KIAA1328: variants seen among roughly 807,000 people sequenced by gnomAD.
KIAA1328 encodes the protein KIAA1328.
Under a neutral mutation model 68.1 loss-of-function variants are expected in KIAA1328, and 52 were observed. The observed-to-expected ratio is 0.76, with a 90% confidence interval of 0.61 to 0.96. KIAA1328 has a LOEUF of 0.96. Among genes scored for constraint, KIAA1328 ranks in the 40% least tolerant of loss-of-function variants. The pLI is 0.00. For synonymous variants in KIAA1328, 232 were observed against 239.4 expected, an observed-to-expected ratio of 0.97 and a Z score of 0.28; for missense variants, 641 against 677.6, an observed-to-expected ratio of 0.95 and a Z score of 0.60.
At chr18:37,099,449 T>A (rs1414877041) in intron 7 of KIAA1328, among the ~76,000 whole-genome samples, 15 of 152,114 alleles carry the variant, frequency 9.9e-5, no homozygotes, top group South Asian at 2.1e-4. Flanking sequence ...ACAGTTTGTT[T>A]TAATTTCTGA....
At chr18:37,009,349 A>G (rs2053893902) in intron 6 of KIAA1328, among the ~76,000 whole-genome samples, 1 of 152,138 alleles carries the variant, frequency 6.6e-6, no homozygotes, top group Admixed American at 6.5e-5. Flanking sequence ...GTGAGATGTA[A>G]GAAGTTTTTC....
Position 37,018,693 on chromosome 18 carries a change from C to T in KIAA1328, c.577-48197C>T, listed in dbSNP as rs79469838. 1.0e-3 allele frequency among the ~76,000 whole-genome samples: 155 copies of T among 152,264 alleles called. 2 individuals are homozygous for T. The highest frequency in any genetic ancestry group is 3.7e-3 in the African/African-American group (153 of 41,546). ...AAAGATCAGTCCTCAATCTCTGAAA[C>T]AGTTTCTTCTGCTTAGTCCAGTCTA... On this transcript the variant is annotated intron_variant, in intron 6 of 9. Transcript: ENST00000280020.
chr18:36,832,020 T>C (rs943815327), intron 1 of KIAA1328, among the ~76,000 whole-genome samples: 13 of 152,214 alleles, frequency 8.5e-5, no homozygotes, highest in Non-Finnish European at 1.0e-4. Context: ...TTAGGTATTA[T>C]AAATAATCTA....
chr18:37,167,626 A>G (rs1264134858), intron 8 of KIAA1328, among the ~76,000 whole-genome samples: 2 of 151,572 alleles, frequency 1.3e-5, no homozygotes, highest in African/African-American at 4.9e-5. Context: ...GCTCCTCTCG[A>G]TGTCCAGCTG....
chr18:37,051,606 A>G (rs1354335690), intron 6 of KIAA1328, among the ~76,000 whole-genome samples: 1 of 152,248 alleles, frequency 6.6e-6, no homozygotes, highest in Non-Finnish European at 1.5e-5. Context: ...TCACAGCTAC[A>G]TTCTACCAGA....
chr18:36,855,970 C>T (rs1053887873), intron 4 of KIAA1328, among the ~76,000 whole-genome samples: 2 of 151,764 alleles, frequency 1.3e-5, no homozygotes, highest in Admixed American at 1.3e-4. Context: ...TGTTAGTTAA[C>T]AGGATTTTTT....
intron 1 of KIAA1328, chr18:36,832,586 C>G (rs79973976): frequency 1.4e-5 from 1 of 72,788 alleles, no homozygotes; most frequent in African/African-American, 5.6e-5. Flanking sequence ...GACTCTGTCT[C>G]AAAAAAAAAA....
chr18:37,015,242 A>G (rs2054113045), intron 6 of KIAA1328, among the ~76,000 whole-genome samples: 1 of 152,172 alleles, frequency 6.6e-6, no homozygotes, highest in Non-Finnish European at 1.5e-5. Flanking sequence ...TCCCAGCACC[A>G]TTAATTGAAC....
chr18:36,890,956 G>A (rs769835019), intron 5 of KIAA1328, among the ~76,000 whole-genome samples: 11 of 152,168 alleles, frequency 7.2e-5, no homozygotes, highest in African/African-American at 1.2e-4. Flanking sequence ...AAGAAGAGCC[G>A]AGAAGGAAGT....
intron 6 of KIAA1328, among the ~76,000 whole-genome samples, chr18:37,049,340 C>G (rs1349808799): frequency 2.6e-5 from 4 of 152,132 alleles, no homozygotes. Context: ...CCAACTCAGC[C>G]TTGAATCATG....
intron 6 of KIAA1328, among the ~76,000 whole-genome samples, chr18:36,975,308 A>G (rs982976800): frequency 6.7e-6 from 1 of 148,210 alleles, no homozygotes; most frequent in Non-Finnish European, 1.5e-5. Context: ...TCAGCCTCCC[A>G]AGTAGCTGGG....
chr18:37,177,717 G>T (rs1454161714), intron 9 of KIAA1328, among the ~76,000 whole-genome samples: 1 of 152,094 alleles, frequency 6.6e-6, no homozygotes, highest in Non-Finnish European at 1.5e-5. Flanking sequence ...TACTGGTGGG[G>T]AGAGGTGTTG....
Position 37,224,105 on chromosome 18 carries a change from A to G in KIAA1328, c.*1878A>G, listed in dbSNP as rs2060608832. 2 of 985,376 alleles carry G rather than the reference A, an allele frequency of 2.0e-6. No homozygotes were observed. The highest frequency in any genetic ancestry group is 2.4e-6 in the Non-Finnish European group (2 of 829,932). 61.0% of individuals were successfully genotyped at this position (985,376 alleles called of 1,614,324 possible). A position where few individuals can be genotyped will look rare whatever the true frequency, so the allele number is the denominator to read the frequency against. On this transcript the variant is annotated 3_prime_UTR_variant, in exon 10 of 10. Transcript: ENST00000280020. The stretch of plus-strand genomic sequence containing the variant: ...CTCAGCCATTTTTTCAGTTAAAGTT[A>G]GGTTGCCAGAACTTTCTTTTCCTTG...
At chr18:36,850,755 G>A (rs566714630) in intron 4 of KIAA1328, among the ~76,000 whole-genome samples, 1 of 152,260 alleles carries the variant, frequency 6.6e-6, no homozygotes, top group Admixed American at 6.5e-5. Flanking sequence ...GCTGGCCAAA[G>A]GATGATTCAT....
At chr18:37,095,772 A>G (rs529561625) in intron 7 of KIAA1328, among the ~76,000 whole-genome samples, 4 of 152,178 alleles carry the variant, frequency 2.6e-5, no homozygotes, top group African/African-American at 7.2e-5. Context: ...TAAGGAAAAA[A>G]GAAGACCCAA....
At chr18:37,005,413 A>T (rs1454169713) in intron 6 of KIAA1328, among the ~76,000 whole-genome samples, 1 of 136,170 alleles carries the variant, frequency 7.3e-6, no homozygotes, top group Non-Finnish European at 1.6e-5. Context: ...ATCTTACCTT[A>T]GTCAGAATAG....
At chr18:37,040,602 G>A (rs2055206595) in intron 6 of KIAA1328, among the ~76,000 whole-genome samples, 1 of 150,684 alleles carries the variant, frequency 6.6e-6, no homozygotes, top group Non-Finnish European at 1.5e-5. Context: ...TGCTTGCTTT[G>A]GTTTCACTTT....
chr18:37,142,360 T>C (rs1381041704), intron 7 of KIAA1328, among the ~76,000 whole-genome samples: 11 of 151,872 alleles, frequency 7.2e-5, no homozygotes. Context: ...CCTGGCTAAT[T>C]TTTGTATTTT....
chr18:36,999,025 G>A (rs766384878), intron 6 of KIAA1328, among the ~76,000 whole-genome samples: 1 of 152,094 alleles, frequency 6.6e-6, no homozygotes, highest in Non-Finnish European at 1.5e-5. Flanking sequence ...ATCATGTAAA[G>A]AAATCAGAAA....
Sources: gnomAD v4.1 joint callset for allele counts (sites outside exome capture counted in the v4.1 genomes callset) on GRCh38, gnomAD v4.1.1 for gene constraint, MANE v1.5 for transcripts, NCBI Gene and HGNC (gene_info 2026-07-23, HGNC 2026-07-21) for gene names.